The following FMNL2 variants were observed in gnomAD, a reference collection of about 807,000 sequenced individuals.
The protein encoded by FMNL2 is formin like 2, also known as formin-like protein 2.
FMNL2 carries 51 observed loss-of-function variants against 130.2 expected under a neutral mutation model. That is an observed-to-expected ratio of 0.39 (90% confidence interval 0.31 to 0.49). The LOEUF (loss-of-function observed/expected upper bound fraction) is 0.49. Among genes scored for constraint, FMNL2 ranks in the 20% least tolerant of loss-of-function variants. FMNL2 has a pLI of 0.85. For missense variants in FMNL2, 977 were observed against 1,316.2 expected (o/e 0.74, Z 3.99); for synonymous variants, 465 against 467.1 (o/e 1.00, Z 0.06).
At chr2:152,351,238 G>A (rs1156495238) in intron 1 of FMNL2, among the ~76,000 whole-genome samples, 2 of 152,110 alleles carry the variant, frequency 1.3e-5, no homozygotes, top group East Asian at 1.9e-4. Flanking sequence ...TGTGCAGAAC[G>A]TGCAGGTTTG....
chr2:152,381,862 C>T (rs1684485914), intron 1 of FMNL2, among the ~76,000 whole-genome samples: 1 of 150,628 alleles, frequency 6.6e-6, no homozygotes, highest in Non-Finnish European at 1.5e-5. Context: ...GGCTGGAGTA[C>T]AGTAGCACAA....
chr2:152,429,002 CTG>C (rs1687339966), intron 1 of FMNL2, among the ~76,000 whole-genome samples: 1 of 151,972 alleles, frequency 6.6e-6, no homozygotes, highest in Non-Finnish European at 1.5e-5. Context: ...GCAACACACA[CTG>C]GGGCCTGTTG....
intron 1 of FMNL2, among the ~76,000 whole-genome samples, chr2:152,414,992 G>C (rs1579609332): frequency 1.3e-5 from 2 of 152,250 alleles, no homozygotes; most frequent in East Asian, 3.9e-4. Flanking sequence ...GAAGGTCCCT[G>C]AGTTCCTCTT....
At chr2:152,425,070 A>C (rs995290294) in intron 1 of FMNL2, among the ~76,000 whole-genome samples, 3 of 152,224 alleles carry the variant, frequency 2.0e-5, no homozygotes, top group African/African-American at 7.2e-5. Context: ...CAAACCTTCA[A>C]AATCAACCTG....
intron 4 of FMNL2, among the ~76,000 whole-genome samples, chr2:152,549,507 C>T (rs768813574): frequency 5.3e-5 from 8 of 152,184 alleles, no homozygotes; most frequent in Non-Finnish European, 8.8e-5. Flanking sequence ...TCTAGAGTTT[C>T]TGGCCAGAAG....
intron 2 of FMNL2, among the ~76,000 whole-genome samples, chr2:152,530,462 T>A (rs1247534020): frequency 6.6e-6 from 1 of 152,110 alleles, no homozygotes; most frequent in African/African-American, 2.4e-5. Context: ...TTCTGAAAAA[T>A]TTTATGTTTA....
intron 1 of FMNL2, among the ~76,000 whole-genome samples, chr2:152,447,056 A>C (rs971232685): frequency 1.3e-5 from 2 of 152,206 alleles, no homozygotes; most frequent in Non-Finnish European, 2.9e-5. Flanking sequence ...GAGTTTAAAA[A>C]AAAGAGACTT....
chr2:152,632,832 G>A (rs1032152474), intron 21 of FMNL2, among the ~76,000 whole-genome samples: 1 of 152,180 alleles, frequency 6.6e-6, no homozygotes, highest in Non-Finnish European at 1.5e-5. Context: ...GGAATGATAT[G>A]CAGATTGACC....
At position 152,614,517 on chromosome 2, in the gene FMNL2, G is replaced by A. The variant is rs946494796; in HGVS notation, c.1063-334G>A. On this transcript the variant is annotated intron_variant, in intron 11 of 25. Transcript: ENST00000288670. Reference sequence around the variant, plus strand: ...CCCAGCACTTTGGGAGGCTGAGCCGGGTGGATCACGAGGTCAGGAGATCGA... The same window carrying A: ...CCCAGCACTTTGGGAGGCTGAGCCGAGTGGATCACGAGGTCAGGAGATCGA... Among the ~76,000 whole-genome samples the A allele has an allele frequency of 6.6e-5, 10 of 152,224 alleles. No individual in the cohort carries two copies. The South Asian group carries it at 1.5e-3, about 22-fold the overall frequency.
chr2:152,354,336 A>C (rs957998401), intron 1 of FMNL2, among the ~76,000 whole-genome samples: 13 of 123,320 alleles, frequency 1.1e-4, no homozygotes, highest in Non-Finnish European at 1.9e-4. Context: ...CAGTAGTGGC[A>C]AAAAAAAAAA....
At chr2:152,432,817 G>A (rs957104366) in intron 1 of FMNL2, among the ~76,000 whole-genome samples, 1 of 152,208 alleles carries the variant, frequency 6.6e-6, no homozygotes, top group Non-Finnish European at 1.5e-5. Flanking sequence ...TGCAGTGTAG[G>A]ATAATACAGG....
chr2:152,507,552 T>G (rs972050288), intron 1 of FMNL2, among the ~76,000 whole-genome samples: 2 of 152,232 alleles, frequency 1.3e-5, no homozygotes, highest in African/African-American at 4.8e-5. Flanking sequence ...GATACTGTCC[T>G]TATTTTACAG....
At chr2:152,568,749 G>T (rs2105649420) in intron 6 of FMNL2, among the ~76,000 whole-genome samples, 1 of 152,216 alleles carries the variant, frequency 6.6e-6, no homozygotes, top group Non-Finnish European at 1.5e-5. Context: ...GATCTCTTGA[G>T]AACTCAGTAT....
intron 1 of FMNL2, among the ~76,000 whole-genome samples, chr2:152,356,321 A>C (rs906875387): frequency 2.0e-5 from 3 of 151,974 alleles, no homozygotes; most frequent in African/African-American, 7.3e-5. Flanking sequence ...ACAGGGTTTC[A>C]CCATGTTGGT....
chr2:152,522,281 T>A (rs1693137789), intron 2 of FMNL2, among the ~76,000 whole-genome samples: 2 of 152,224 alleles, frequency 1.3e-5, no homozygotes, highest in Non-Finnish European at 2.9e-5. Context: ...ACTGAGATGC[T>A]TCCAAGAAAT....
intron 9 of FMNL2, among the ~76,000 whole-genome samples, chr2:152,586,756 C>A (rs1454695336): frequency 6.6e-6 from 1 of 150,700 alleles, no homozygotes; most frequent in Non-Finnish European, 1.5e-5. Flanking sequence ...CATTAGGAAG[C>A]AAAGTCCTAG....
intron 1 of FMNL2, among the ~76,000 whole-genome samples, chr2:152,383,059 A>G (rs1184923443): frequency 1.3e-5 from 2 of 152,216 alleles, no homozygotes; most frequent in Non-Finnish European, 2.9e-5. Flanking sequence ...ATAATACTTG[A>G]TAATGATCAT....
chr2:152,591,691 C>T (rs747382513), intron 9 of FMNL2, among the ~76,000 whole-genome samples: 4 of 152,022 alleles, frequency 2.6e-5, no homozygotes, highest in South Asian at 4.2e-4. Context: ...TTGTGGTCCC[C>T]GGTACTCAGG....
intron 20 of FMNL2, among the ~76,000 whole-genome samples, chr2:152,630,357 A>G (rs1364492909): frequency 1.3e-5 from 2 of 152,262 alleles, no homozygotes; most frequent in African/African-American, 2.4e-5. Context: ...TGTGGGGAGA[A>G]AGACTGAATG....
Sources: gnomAD v4.1 joint callset for allele counts (sites outside exome capture counted in the v4.1 genomes callset) on GRCh38, gnomAD v4.1.1 for gene constraint, MANE v1.5 for transcripts, NCBI Gene and HGNC (gene_info 2026-07-23, HGNC 2026-07-21) for gene names.